The following COL6A5 variants were observed in gnomAD, a reference collection of about 807,000 sequenced individuals.
The protein encoded by COL6A5 is collagen alpha-5(VI) chain.
COL6A5 carries 48 observed loss-of-function variants against 65.6 expected under a neutral mutation model. The ratio of observed to expected loss-of-function variants is 0.73; its 90% CI spans 0.58 to 0.93. COL6A5 has a LOEUF of 0.93. Among genes scored for constraint, COL6A5 ranks in the 40% least tolerant of loss-of-function variants. The pLI, the probability that COL6A5 is intolerant of heterozygous loss-of-function variation, is 0.00. For synonymous variants in COL6A5, 291 were observed against 322.8 expected (o/e 0.90, Z 1.05); for missense variants, 914 against 928.3 (o/e 0.98, Z 0.20).
chr3:130,393,299 C>T (rs771759572), intron 7 of COL6A5, among the ~76,000 whole-genome samples: 1 of 152,108 alleles, frequency 6.6e-6, no homozygotes, highest in African/African-American at 2.4e-5. Context: ...CTGTGCCTGC[C>T]TACGTCTCAC....
At chr3:130,454,884 T>C (rs1709531006) in intron 4 of COL6A5, among the ~76,000 whole-genome samples, 1 of 152,168 alleles carries the variant, frequency 6.6e-6, no homozygotes, top group Admixed American at 6.5e-5. Flanking sequence ...CTCACACCTG[T>C]AATCTAAGCA....
At chr3:130,484,119 A>G in exon 8 of COL6A5, 2 of 1,483,132 alleles carry the variant, frequency 1.3e-6, no homozygotes, top group South Asian at 1.3e-5. Context: ...ACCAGAATGT[A>G]TAATCATCTG....
chr3:130,484,562 T>C, exon 8 of COL6A5: 1 of 399,030 alleles, frequency 2.5e-6, no homozygotes, highest in East Asian at 3.6e-5. Flanking sequence ...AAAACCCACC[T>C]GTCAGGCTGC....
intron 1 of COL6A5, among the ~76,000 whole-genome samples, chr3:130,435,259 G>A (rs895536961): frequency 1.3e-5 from 2 of 152,096 alleles, no homozygotes; most frequent in Non-Finnish European, 2.9e-5. Flanking sequence ...TAGATGTGTG[G>A]TGTCACTTCT....
exon 8 of COL6A5, chr3:130,395,197 T>C: frequency 6.4e-7 from 1 of 1,551,676 alleles, no homozygotes; most frequent in Non-Finnish European, 8.7e-7. Context: ...TACATGCTGG[T>C]GGGAGAAGAA....
exon 7 of COL6A5, chr3:130,391,650 G>T: frequency 6.4e-7 from 1 of 1,551,634 alleles, no homozygotes; most frequent in Non-Finnish European, 8.7e-7. Flanking sequence ...GAACTTGAGG[G>T]TATGGCAGGG....
intron 7 of COL6A5, chr3:130,471,849 T>A: frequency 6.6e-7 from 1 of 1,525,650 alleles, no homozygotes; most frequent in East Asian, 2.5e-5. Flanking sequence ...ACTGAGAAAC[T>A]GGCAATGAAA....
intron 1 of COL6A5, among the ~76,000 whole-genome samples, chr3:130,360,683 G>A (rs2107620398): frequency 6.6e-6 from 1 of 152,164 alleles, no homozygotes; most frequent in East Asian, 1.9e-4. Context: ...ATTTTTAAAG[G>A]CTCTGTGCAC....
chr3:130,441,280 A>G (rs1289041323), intron 3 of COL6A5, among the ~76,000 whole-genome samples: 7 of 152,148 alleles, frequency 4.6e-5, no homozygotes, highest in African/African-American at 1.4e-4. Context: ...AAAATGCAGG[A>G]TATTCTTACT....
intron 3 of COL6A5, among the ~76,000 whole-genome samples, chr3:130,442,108 T>C (rs1327347488): frequency 6.6e-6 from 1 of 152,182 alleles, no homozygotes; most frequent in Non-Finnish European, 1.5e-5. Flanking sequence ...CTGTTATTTC[T>C]TTACATCTAA....
chr3:130,476,313 C>T (rs990940458), intron 7 of COL6A5, among the ~76,000 whole-genome samples: 3 of 152,042 alleles, frequency 2.0e-5, no homozygotes, highest in Non-Finnish European at 4.4e-5. Flanking sequence ...CCTCATTTAA[C>T]CTTAAATGCC....
At chr3:130,379,840 GA>G in exon 4 of COL6A5, 1 of 1,551,320 alleles carries the variant, frequency 6.4e-7, no homozygotes, top group Non-Finnish European at 8.7e-7. Context: ...CCTTCGACTG[GA>G]GGATGTAAAC....
exon 4 of COL6A5, chr3:130,379,710 G>T: frequency 6.4e-7 from 1 of 1,551,458 alleles, no homozygotes; most frequent in Middle Eastern, 1.7e-4. Flanking sequence ...CCATTGATCA[G>T]ATGAGAAGAG....
At chr3:130,459,348 T>C (rs1430158006) in intron 5 of COL6A5, among the ~76,000 whole-genome samples, 1 of 152,126 alleles carries the variant, frequency 6.6e-6, no homozygotes, top group African/African-American at 2.4e-5. Flanking sequence ...AGAGCCAATA[T>C]ATTTATTTTT....
chr3:130,393,259 C>T (rs1936467850), intron 7 of COL6A5, among the ~76,000 whole-genome samples: 1 of 152,112 alleles, frequency 6.6e-6, no homozygotes, highest in South Asian at 2.1e-4. Flanking sequence ...TGCACACTAT[C>T]CTGCCCACCA....
rs138644050 is a variant in COL6A5, at chr3:130,385,186, A to C, written c.1683A>C (p.Glu561Asp). Residue 561 changes from glutamate (E) to aspartate (D), a missense_variant and NMD_transcript_variant, in exon 5 of 42, where the codon GAA becomes GAC. Transcript: ENST00000312481. ...GGATGTCCACAGACAGAGTCGTGGAACCTGCTAAGAGACTAAGGGCTGAGC... is the reference window on the plus strand; with the variant it reads ...GGATGTCCACAGACAGAGTCGTGGACCCTGCTAAGAGACTAAGGGCTGAGC... The C allele has an allele frequency of 3.4e-5, 53 of 1,551,098 alleles. 1 individual carries two copies. In the African/African-American group the frequency reaches 6.0e-4, roughly 18 times the overall value.
chr3:130,389,095 C>T, exon 6 of COL6A5: 1 of 1,451,084 alleles, frequency 6.9e-7, no homozygotes, highest in Non-Finnish European at 9.1e-7. Context: ...TCTAAAGGCA[C>T]TAGAAAGGAA....
chr3:130,388,675 A>G, exon 6 of COL6A5: 1 of 1,551,222 alleles, frequency 6.4e-7, no homozygotes, highest in East Asian at 2.4e-5. Flanking sequence ...CTTCATGAAA[A>G]ACCTGTTAAC....
intron 3 of COL6A5, among the ~76,000 whole-genome samples, chr3:130,441,804 A>G (rs974979697): frequency 2.0e-5 from 3 of 152,196 alleles, no homozygotes; most frequent in African/African-American, 7.2e-5. Context: ...ACAACAAAGA[A>G]TAATACATCC....
Sources: gnomAD v4.1 joint callset for allele counts (sites outside exome capture counted in the v4.1 genomes callset) on GRCh38, gnomAD v4.1.1 for gene constraint, MANE v1.5 for transcripts, NCBI Gene and HGNC (gene_info 2026-07-23, HGNC 2026-07-21) for gene names.